HABP4: variants seen among roughly 807,000 people sequenced by gnomAD.
The protein encoded by HABP4 is hyaluronan binding protein 4.
Under a neutral mutation model 44.1 loss-of-function variants are expected in HABP4, and 32 were observed. The observed-to-expected ratio is 0.73, with a 90% CI of 0.55 to 0.97. HABP4 has a LOEUF of 0.97. Among genes scored for constraint, HABP4 ranks in the 50% least tolerant of loss-of-function variants. The probability of loss-of-function intolerance (pLI) is 0.00; values close to 1 mark genes in which losing one functional copy is unlikely to be tolerated. For synonymous variants in HABP4, 216 were observed against 218.0 expected, an observed-to-expected ratio of 0.99 and a Z score of 0.08; for missense variants, 503 against 561.9, an observed-to-expected ratio of 0.90 and a Z score of 1.06.
rs997088678 is a variant in HABP4 at position 96,450,820 on chromosome 9, G to A, written c.349+192G>A. On this transcript the variant is annotated intron_variant, in intron 1 of 7. Transcript: ENST00000375249. This position sits in a 1 kb window ranked among gnomAD's most constrained non-coding sequence, Gnocchi z 4.8. ...TCTCGCCAGCCTCGTGCGGGGCTCC[G>A]GGGGAAACGCTGGCTTGGGGTGGGA... Among the ~76,000 whole-genome samples, 2 of 152,292 alleles carry A rather than the reference G, an allele frequency of 1.3e-5. No homozygotes were observed. Among genetic ancestry groups the A allele is most frequent in the South Asian group, 2.1e-4 (1 of 4,818 alleles).
In HABP4 at chr9:96,488,252, A is replaced by G. The variant is rs199949190; in HGVS notation, c.1163A>G (p.Tyr388Cys). 9.9e-6 allele frequency: 16 copies of G among 1,613,142 alleles called. No homozygotes were observed. Among genetic ancestry groups the G allele is most frequent in the South Asian group, 1.1e-5 (1 of 91,068 alleles). ...GGAAGGATCAGGAGGGCAGAGAACT[A>G]TGGACCCAGAGCAGAAGTGGTGGTA... Reference protein sequence around the residue: ...GRGRIRRAENYGPRAEVVMQD... With the variant: ...GRGRIRRAENCGPRAEVVMQD... Residue 388 changes from tyrosine to cysteine, a missense_variant, in exon 7 of 8, where the codon TAT becomes TGT. Physicochemically the swap from Tyr to Cys is radical, Grantham distance 194. Coordinates refer to ENST00000375249, the MANE Select transcript of HABP4 (RefSeq NM_014282.4). This position sits in a 1 kb window ranked among gnomAD's most constrained non-coding sequence, Gnocchi z 4.6.
chr9:96,450,681 G>T lies in HABP4; in HGVS notation c.349+53G>T. Reference sequence around the variant, plus strand: ...CCACGGCTCGGCCCGCTGTGAGACTGGGGTCCCGGGGGCCGGTTTCAGGAG... The same window carrying T: ...CCACGGCTCGGCCCGCTGTGAGACTTGGGTCCCGGGGGCCGGTTTCAGGAG... On this transcript the variant is annotated intron_variant, in intron 1 of 7. Transcript: ENST00000375249. The surrounding 1 kb of genome is among the most constrained non-coding windows in gnomAD (Gnocchi z 4.8). 1 of 1,213,958 alleles carries T rather than the reference G, an allele frequency of 8.2e-7. No homozygotes were observed. Among genetic ancestry groups the T allele is most frequent in the South Asian group, 3.8e-5 (1 of 26,308 alleles). 75.2% of individuals were successfully genotyped at this position (1,213,958 alleles called of 1,614,324 possible).
intron 2 of HABP4, among the ~76,000 whole-genome samples, chr9:96,460,289 C>G (rs76148609): frequency 0.014 from 2,076 of 152,134 alleles, 43 homozygotes; most frequent in African/African-American, 0.047. Flanking sequence ...CGAAGAATTT[C>G]CATCTGCCCT....
Position 96,488,382 on chromosome 9 carries a change from C to G in HABP4, c.1185+108C>G, listed in dbSNP as rs535121808. The G allele has an allele frequency of 7.1e-6, 5 of 699,480 alleles. No individual in the cohort carries two copies. The highest frequency in any genetic ancestry group is 1.8e-5 in the African/African-American group (1 of 55,936). The allele number at this position is 699,480 out of a possible 1,614,324, so 43.3% of individuals were successfully genotyped here. ...CATGAGTTTCTGCAGTCACTTCTTT[C>G]TGTAGCTAGTGTGGGACTGATGTTG... On this transcript the variant is annotated intron_variant, in intron 7 of 7. Transcript: ENST00000375249. This position sits in a 1 kb window ranked among gnomAD's most constrained non-coding sequence, Gnocchi z 4.6.
chr9:96,471,235 TG>T (rs1832693521), intron 5 of HABP4, 141 bp downstream of exon 5: 3 of 608,918 alleles, frequency 4.9e-6, no homozygotes, highest in Non-Finnish European at 9.1e-6. Context: ...CTCCACTTCC[TG>T]GGTTCAAGCG....
chr9:96,457,315 T>C (rs1195130287), intron 1 of HABP4, among the ~76,000 whole-genome samples: 1 of 151,506 alleles, frequency 6.6e-6, no homozygotes, highest in African/African-American at 2.4e-5. Context: ...CACTCCAGCC[T>C]GGGCAACAAG....
intron 5 of HABP4, among the ~76,000 whole-genome samples, chr9:96,472,888 C>G (rs1832720791): frequency 6.6e-6 from 1 of 152,198 alleles, no homozygotes; most frequent in Non-Finnish European, 1.5e-5. Context: ...ATGCTGCAGT[C>G]TGCGTCTTTC....
At position 96,465,728 on chromosome 9, in the gene HABP4, C is replaced by G. The variant is rs143728294; in HGVS notation, c.693C>G (p.Asp231Glu). The G allele has an allele frequency of 1.2e-6, 2 of 1,602,880 alleles. No homozygotes were observed. The highest frequency in any genetic ancestry group is 1.7e-5 in the Admixed American group (1 of 59,988). Residue 231 changes from aspartate (D) to glutamate (E), a missense_variant, in exon 4 of 8, where the codon GAC (aspartate) becomes GAG (glutamate). Asp to Glu is a conservative substitution (Grantham distance 45). Transcript: ENST00000375249. ...GNDKIAVRTE[D>E]NMGGCGVRTW... is the part of the protein sequence containing the mutation. Reference sequence around the variant, plus strand: ...TCCGTAGAGCAGTCAGAACTGAAGACAACATGGGTGGATGTGGAGTTCGAA... The same window carrying G: ...TCCGTAGAGCAGTCAGAACTGAAGAGAACATGGGTGGATGTGGAGTTCGAA...
At chr9:96,462,039 G>A (rs531639697) in intron 2 of HABP4, among the ~76,000 whole-genome samples, 6 of 151,832 alleles carry the variant, frequency 4.0e-5, no homozygotes, top group East Asian at 1.9e-4. Context: ...CCAGCTACTC[G>A]GGAGGCTGAG....
chr9:96,461,981 TC>T (rs1832506842), intron 2 of HABP4, among the ~76,000 whole-genome samples: 2 of 147,556 alleles, frequency 1.4e-5, no homozygotes, highest in Non-Finnish European at 3.0e-5. Context: ...ACATAGTGAA[TC>T]CCCGCCTTAT....
At chr9:96,473,859 A>G (rs1832734666) in intron 5 of HABP4, among the ~76,000 whole-genome samples, 2 of 152,180 alleles carry the variant, frequency 1.3e-5, no homozygotes, top group East Asian at 3.8e-4. Flanking sequence ...CAGGGTGTCT[A>G]GTGGTTAAGA....
At chr9:96,480,034 G>A (rs1021045857) in intron 5 of HABP4, among the ~76,000 whole-genome samples, 1 of 152,004 alleles carries the variant, frequency 6.6e-6, no homozygotes, top group Non-Finnish European at 1.5e-5. Context: ...AATTAGCTGG[G>A]TATGGTGGTG....
At chr9:96,455,805 A>C (rs971210637) in intron 1 of HABP4, among the ~76,000 whole-genome samples, 4 of 150,742 alleles carry the variant, frequency 2.7e-5, no homozygotes, top group Non-Finnish European at 5.9e-5. Context: ...CTGTAATCCC[A>C]GCATTTTGGG....
intron 5 of HABP4, among the ~76,000 whole-genome samples, chr9:96,480,267 C>G (rs1832853374): frequency 1.3e-5 from 2 of 152,158 alleles, no homozygotes; most frequent in Non-Finnish European, 2.9e-5. Context: ...CCCCTCCTTG[C>G]TTTTTTCTCA....
chr9:96,484,997 G>A (rs889857871), intron 6 of HABP4, among the ~76,000 whole-genome samples: 1 of 152,002 alleles, frequency 6.6e-6, no homozygotes, highest in East Asian at 1.9e-4. Context: ...TGTGTCCCCT[G>A]AGTAGGTTAC....
Position 96,450,320 on chromosome 9 carries a change from C to T in HABP4, c.41C>T (p.Ala14Val). 7.0e-7 allele frequency: 1 copy of T among 1,438,774 alleles called. No individual in the cohort carries two copies. Among genetic ancestry groups the T allele is most frequent in the Non-Finnish European group, 9.2e-7 (1 of 1,082,010 alleles). 89.1% of individuals were successfully genotyped at this position (1,438,774 alleles called of 1,614,324 possible). A position where few individuals can be genotyped will look rare whatever the true frequency, so the allele number is the denominator to read the frequency against. Reference protein sequence around the residue: ...ALGSPVAAAGAAMQESFGCVV... With the variant: ...ALGSPVAAAGVAMQESFGCVV... ...GGGAGTCCCGTGGCTGCCGCTGGCG[C>T]CGCGATGCAGGAGAGTTTCGGCTGC... Residue 14 changes from alanine to valine, a missense_variant, in exon 1 of 8, where the codon GCC becomes GTC. By Grantham distance (64) the Ala-to-Val change is moderately conservative. This residue lies in a region of HABP4 where 290 missense variants were observed against 300.5 expected (regional missense o/e 0.97). Transcript: ENST00000375249. The surrounding 1 kb of genome is among the most constrained non-coding windows in gnomAD (Gnocchi z 4.8).
Position 96,450,777 on chromosome 9 carries a change from G to A in HABP4, c.349+149G>A, listed in dbSNP as rs1832259724. ...CCGAAGGTAGGAGGAGAGGGGCAGG[G>A]GTCACACCCCTTCCAGCTCTCGCCA... On this transcript the variant is annotated intron_variant, in intron 1 of 7. Transcript: ENST00000375249. The surrounding 1 kb of genome is among the most constrained non-coding windows in gnomAD (Gnocchi z 4.8). 1.6e-6 allele frequency: 1 copy of A among 615,260 alleles called. No individual in the cohort carries two copies. Among genetic ancestry groups the A allele is most frequent in the Admixed American group, 4.5e-5 (1 of 22,166 alleles). The allele number at this position is 615,260 out of a possible 1,614,324, so 38.1% of individuals were successfully genotyped here.
rs1377235374 is a variant in HABP4 at position 96,488,233 on chromosome 9, A to G, written c.1144A>G (p.Ile382Val). ...RGGTRGGRGRIRRAENYGPRA... is the reference protein window; with the variant it reads ...RGGTRGGRGRVRRAENYGPRA... ...AGGCACCCGGGGAGGCCGGGGAAGG[A>G]TCAGGAGGGCAGAGAACTATGGACC... Residue 382 changes from isoleucine (I) to valine (V), a missense_variant, in exon 7 of 8, where the codon ATC becomes GTC. Around this residue, in one of 3 missense-constraint regions of HABP4, gnomAD observed 82 missense variants for 71.6 expected, o/e 1.15. Transcript: ENST00000375249. This position sits in a 1 kb window ranked among gnomAD's most constrained non-coding sequence, Gnocchi z 4.6. The G allele has an allele frequency of 6.2e-7, 1 of 1,613,936 alleles. No individual in the cohort carries two copies. The highest frequency in any genetic ancestry group is 8.5e-7 in the Non-Finnish European group (1 of 1,179,896).
intron 2 of HABP4, among the ~76,000 whole-genome samples, chr9:96,464,523 G>A (rs1322153695): frequency 6.6e-6 from 1 of 152,216 alleles, no homozygotes; most frequent in East Asian, 1.9e-4. Context: ...TGTGAATCTT[G>A]AATTGGCTGC....
Sources: gnomAD v4.1 joint callset for allele counts (sites outside exome capture counted in the v4.1 genomes callset) on GRCh38, gnomAD v4.1.1 for gene constraint, gnomAD v4.1.1 regional missense constraint, Gnocchi (gnomAD v3.1) non-coding constraint, MANE v1.5 for transcripts, NCBI Gene and HGNC (gene_info 2026-07-23, HGNC 2026-07-21) for gene names.